Variants in NLGN4X observed in about 807,000 individuals in gnomAD.
The protein encoded by NLGN4X is neuroligin 4 X-linked, also known as neuroligin-4, X-linked.
Under a neutral mutation model 40.3 loss-of-function variants are expected in NLGN4X, and 3 were observed. That is an observed-to-expected ratio of 0.07 (90% CI 0.03 to 0.19). The LOEUF (loss-of-function observed/expected upper bound fraction) is 0.19, where lower values mean the gene tolerates loss of function less well. Ranked by LOEUF, NLGN4X falls within the 10% of genes least tolerant of loss-of-function variation. The probability of loss-of-function intolerance (pLI) is 1.00; values close to 1 mark genes in which losing one functional copy is unlikely to be tolerated. For missense variants in NLGN4X, 382 were observed against 708.3 expected, an observed-to-expected ratio of 0.54 and a Z score of 5.23; for synonymous variants, 270 against 306.8, an observed-to-expected ratio of 0.88 and a Z score of 1.25.
chrX:6,217,982 G>C (rs979958544), intron 1 of NLGN4X, among the ~76,000 whole-genome samples: 1 of 111,959 alleles, frequency 8.9e-6, no homozygotes, highest in African/African-American at 3.2e-5. Flanking sequence ...TAAATGTCTT[G>C]TCTACTTCTC....
At position 6,056,391 on chromosome X, in the gene NLGN4X, G is replaced by C. The variant is rs765865426; in HGVS notation, c.473-26959C>G. On this transcript the variant is annotated intron_variant, in intron 2 of 5. Coordinates refer to ENST00000381095, the MANE Select transcript of NLGN4X (RefSeq NM_181332.3). ...CTCGGAAGGCTGAGGCAGGAGAACT[G>C]TTTGAACCTGGGAGGCGGAGGTTGT... Among the ~76,000 whole-genome samples the C allele has an allele frequency of 3.6e-5, 4 of 110,407 alleles. No homozygotes were observed. The South Asian group carries it at 1.6e-3, about 44-fold the overall frequency.
chrX:6,110,761 T>C (rs923098494), intron 2 of NLGN4X, among the ~76,000 whole-genome samples: 13 of 111,934 alleles, frequency 1.2e-4, no homozygotes, highest in African/African-American at 3.9e-4. Context: ...ACTTTGAGAC[T>C]CTGGCTAACA....
At chrX:6,106,169 C>A (rs1221996675) in intron 2 of NLGN4X, among the ~76,000 whole-genome samples, 5 of 111,939 alleles carry the variant, frequency 4.5e-5, no homozygotes, top group African/African-American at 1.6e-4. Flanking sequence ...CACAAATAGT[C>A]ATCTGTCAGA....
chrX:6,110,110 A>G (rs1332287493), intron 2 of NLGN4X, among the ~76,000 whole-genome samples: 2 of 112,026 alleles, frequency 1.8e-5, no homozygotes, highest in African/African-American at 6.5e-5. Flanking sequence ...GCCACACAGA[A>G]GGGCACAGCC....
chrX:6,180,346 T>G, intron 1 of NLGN4X, among the ~76,000 whole-genome samples: 1 of 111,002 alleles, frequency 9.0e-6, no homozygotes, highest in Non-Finnish European at 1.9e-5. Context: ...TGGTACTGTA[T>G]AGTGAGTGAG....
intron 2 of NLGN4X, among the ~76,000 whole-genome samples, chrX:6,145,951 C>T (rs1239974199): frequency 9.1e-6 from 1 of 110,022 alleles, no homozygotes; most frequent in Non-Finnish European, 1.9e-5. Context: ...CCCATCTCTA[C>T]AGAAACTAAA....
intron 5 of NLGN4X, among the ~76,000 whole-genome samples, chrX:5,898,598 G>C (rs187767320): frequency 9.0e-5 from 10 of 110,978 alleles, no homozygotes; most frequent in Non-Finnish European, 1.9e-4. Context: ...TAGAACGCTT[G>C]ACTTAACGCC....
intron 1 of NLGN4X, among the ~76,000 whole-genome samples, chrX:6,160,686 T>C (rs889508834): frequency 1.8e-5 from 2 of 108,876 alleles, no homozygotes; most frequent in African/African-American, 6.7e-5. Context: ...CATGCCCAGC[T>C]AATTTTTTGT....
At chrX:6,042,963 C>G (rs1315535436) in intron 2 of NLGN4X, among the ~76,000 whole-genome samples, 3 of 105,377 alleles carry the variant, frequency 2.8e-5, no homozygotes, top group African/African-American at 1.0e-4. Context: ...GTAATCACAG[C>G]TACTTGGGAG....
At chrX:5,957,052 C>A (rs1340319171) in intron 3 of NLGN4X, among the ~76,000 whole-genome samples, 1 of 110,367 alleles carries the variant, frequency 9.1e-6, no homozygotes, top group Admixed American at 9.7e-5. Context: ...CAGAGAGAGA[C>A]AAAGAAGAAA....
At chrX:5,968,487 G>C (rs1248201339) in intron 3 of NLGN4X, among the ~76,000 whole-genome samples, 5 of 85,219 alleles carry the variant, frequency 5.9e-5, no homozygotes, top group African/African-American at 1.3e-4. Flanking sequence ...GTGTGTGTGT[G>C]TGTGTGTGTG....
intron 3 of NLGN4X, among the ~76,000 whole-genome samples, chrX:5,969,357 G>A (rs2034941956): frequency 9.0e-6 from 1 of 111,123 alleles, no homozygotes; most frequent in Non-Finnish European, 1.9e-5. Flanking sequence ...TCAAAAAGTG[G>A]GCAAAGGATA....
intron 2 of NLGN4X, among the ~76,000 whole-genome samples, chrX:6,148,165 T>C (rs2040091197): frequency 8.9e-6 from 1 of 112,587 alleles, no homozygotes; most frequent in Non-Finnish European, 1.9e-5. Context: ...TTTTGTATTT[T>C]TAATATACCT....
At chrX:5,977,808 C>A (rs1048398687) in intron 3 of NLGN4X, among the ~76,000 whole-genome samples, 3 of 111,785 alleles carry the variant, frequency 2.7e-5, no homozygotes, top group Non-Finnish European at 5.6e-5. Context: ...AAATGATTTG[C>A]TTCAACCCTC....
chrX:6,145,572 T>C (rs898972746), intron 2 of NLGN4X, among the ~76,000 whole-genome samples: 1 of 112,428 alleles, frequency 8.9e-6, no homozygotes, highest in Non-Finnish European at 1.9e-5. Context: ...TCTTGACTAA[T>C]GCAGAATGCC....
In NLGN4X at chrX:5,947,147, G is replaced by A. The variant is rs111714502; in HGVS notation, c.626-37908C>T. Among the ~76,000 whole-genome samples the A allele has an allele frequency of 1.3e-3, 143 of 111,859 alleles. 1 individual carries two copies. Among genetic ancestry groups the A allele is most frequent in the African/African-American group, 2.0e-3 (62 of 30,826 alleles). On this transcript the variant is annotated intron_variant, in intron 3 of 5. Coordinates refer to ENST00000381095, the MANE Select transcript of NLGN4X (RefSeq NM_181332.3). ...ATAGTGCTACAATGAACATATGTGC[G>A]CATGTGTCTTTATGATGGAACAACT... is the stretch of plus-strand genomic sequence containing the variant.
chrX:6,065,496 G>C (rs1260844698), intron 2 of NLGN4X, among the ~76,000 whole-genome samples: 1 of 111,216 alleles, frequency 9.0e-6, no homozygotes, highest in Non-Finnish European at 1.9e-5. Context: ...AAAAGGAAGA[G>C]AAAGGAAACT....
chrX:6,137,672 T>C (rs556072078), intron 2 of NLGN4X, among the ~76,000 whole-genome samples: 1 of 112,110 alleles, frequency 8.9e-6, no homozygotes, highest in Non-Finnish European at 1.9e-5. Flanking sequence ...ACTCTGATGA[T>C]ATTTTTGATG....
chrX:6,197,283 T>C (rs1602406885), intron 1 of NLGN4X, among the ~76,000 whole-genome samples: 4 of 110,508 alleles, frequency 3.6e-5, no homozygotes, highest in South Asian at 3.9e-4. Context: ...CAGCCATTTG[T>C]ACTCATATTT....
Sources: allele counts gnomAD v4.1 joint callset (sites outside exome capture counted in the v4.1 genomes callset), GRCh38; gene constraint gnomAD v4.1.1; transcripts MANE v1.5; gene names NCBI Gene and HGNC (gene_info 2026-07-23, HGNC 2026-07-21).